Variants in TNRC6A observed in about 807,000 individuals in gnomAD.
The protein encoded by TNRC6A is trinucleotide repeat containing adaptor 6A.
TNRC6A carries 44 observed loss-of-function variants against 221.2 expected under a neutral mutation model. That is an observed-to-expected ratio of 0.20 (90% confidence interval 0.16 to 0.26). TNRC6A has a LOEUF of 0.26. Ranked by LOEUF, TNRC6A falls within the 10% of genes least tolerant of loss-of-function variation. The probability of loss-of-function intolerance (pLI) is 1.00; values close to 1 mark genes in which losing one functional copy is unlikely to be tolerated. For missense variants in TNRC6A, 2,199 were observed against 2,404.4 expected (o/e 0.91, Z 1.79); for synonymous variants, 847 against 838.5 (o/e 1.01, Z -0.18).
At position 24,804,693 on chromosome 16, in the gene TNRC6A, C is replaced by T; in HGVS notation, c.3838-12C>T. The T allele has an allele frequency of 6.4e-7, 1 of 1,565,690 alleles. No homozygotes were observed. The highest frequency in any genetic ancestry group is 8.6e-7 in the Non-Finnish European group (1 of 1,163,628). On this transcript the variant is annotated splice_polypyrimidine_tract_variant and intron_variant, in intron 12 of 24. Transcript: ENST00000395799. Reference sequence around the variant, plus strand: ...TGGCTGGTGTTGCACATCTTTCTGTCTGTCCAATCAGGATGGCATTGTAGC... The same window carrying T: ...TGGCTGGTGTTGCACATCTTTCTGTTTGTCCAATCAGGATGGCATTGTAGC...
At chr16:24,806,402 A>C (rs1249901519) in intron 16 of TNRC6A, 119 bp downstream of exon 16, 1 of 1,401,890 alleles carries the variant, frequency 7.1e-7, no homozygotes, top group Non-Finnish European at 9.8e-7. Context: ...GATGTAATGC[A>C]GTATGTTTTT....
rs1189801925 is a variant in TNRC6A at position 24,792,250 on chromosome 16, A to G, written c.3175+433A>G. On this transcript the variant is annotated intron_variant, in intron 6 of 24. Transcript: ENST00000395799. ...TTTTTTTAAGTAGGTGAGAAATCCA[A>G]CTCTACTTAGATACAGTATATATGT... Among the ~76,000 whole-genome samples the G allele has an allele frequency of 2.6e-5, 4 of 152,282 alleles. No individual in the cohort carries two copies. The South Asian group carries it at 8.3e-4, about 32-fold the overall frequency.
At position 24,791,736 on chromosome 16, in the gene TNRC6A, C is replaced by T. The variant is rs371397221; in HGVS notation, c.3094C>T (p.Arg1032Cys). Residue 1032 changes from arginine to cysteine, a missense_variant, in exon 6 of 25, where the codon CGT becomes TGT. Physicochemically the swap from Arg to Cys is radical, Grantham distance 180. Transcript: ENST00000395799. ...CAAAAACGTCCCAAATGGCAACAGC[C>T]GTTCAGACCAGCAAGCACAGGTACA... is the stretch of plus-strand genomic sequence containing the variant. Reference protein sequence around the residue: ...WNKNVPNGNSRSDQQAQVHQL... With the variant: ...WNKNVPNGNSCSDQQAQVHQL... 16 of 1,612,484 alleles carry T rather than the reference C, an allele frequency of 9.9e-6. No homozygotes were observed. Among genetic ancestry groups the T allele is most frequent in the African/African-American group, 4.0e-5 (3 of 74,794 alleles).
At chr16:24,630,052 C>A (rs1901253472) in intron 1 of TNRC6A, among the ~76,000 whole-genome samples, 1 of 151,904 alleles carries the variant, frequency 6.6e-6, no homozygotes, top group South Asian at 2.1e-4. Context: ...ATAACTTATT[C>A]CTCCCTAATT....
chr16:24,614,628 C>T (rs899195757), intron 1 of TNRC6A, among the ~76,000 whole-genome samples: 4 of 152,128 alleles, frequency 2.6e-5, no homozygotes, highest in Non-Finnish European at 4.4e-5. Context: ...GACTTGGAGT[C>T]TTTTGAGATT....
chr16:24,610,883 T>A (rs781061536), intron 1 of TNRC6A, among the ~76,000 whole-genome samples: 4 of 152,108 alleles, frequency 2.6e-5, no homozygotes, highest in Non-Finnish European at 4.4e-5. Context: ...CAATCTCGGC[T>A]CGCTGCAACC....
rs760061846 is a variant in TNRC6A at position 24,823,006 on chromosome 16, C to T, written c.5506C>T (p.Leu1836=). Reference sequence around the variant, plus strand: ...AGAGGTAGTGAAGGCACAAAAGTCTCTGCACATGTAAGTTGGCTGTTGGGC... The same window carrying T: ...AGAGGTAGTGAAGGCACAAAAGTCTTTGCACATGTAAGTTGGCTGTTGGGC... ...KEEVVKAQKS[L]HMCVLGNTTI... is the part of the protein sequence containing the mutation. The change falls in exon 24 of 25, where the codon CTG becomes TTG. Residue 1836 remains leucine (L), a synonymous_variant. Coordinates refer to ENST00000395799, the MANE Select transcript of TNRC6A (RefSeq NM_014494.4). The surrounding 1 kb of genome is among the most constrained non-coding windows in gnomAD (Gnocchi z 4.3). The T allele has an allele frequency of 6.2e-7, 1 of 1,614,252 alleles. No individual in the cohort carries two copies. Among genetic ancestry groups the T allele is most frequent in the Non-Finnish European group, 8.5e-7 (1 of 1,180,044 alleles).
At chr16:24,686,957 C>T (rs1041109361) in intron 2 of TNRC6A, among the ~76,000 whole-genome samples, 1 of 152,192 alleles carries the variant, frequency 6.6e-6, no homozygotes, top group Non-Finnish European at 1.5e-5. Context: ...GATTTCAGCT[C>T]TACCACTTAC....
intron 4 of TNRC6A, among the ~76,000 whole-genome samples, chr16:24,768,333 T>C (rs2151612066): frequency 6.8e-6 from 1 of 147,896 alleles, no homozygotes; most frequent in Non-Finnish European, 1.5e-5. Context: ...CTCGGGAGGC[T>C]GAGGCAGGAG....
At chr16:24,811,443 G>C (rs908719277) in intron 18 of TNRC6A, among the ~76,000 whole-genome samples, 2 of 152,108 alleles carry the variant, frequency 1.3e-5, no homozygotes, top group Non-Finnish European at 2.9e-5. Context: ...TTTTAGCCTT[G>C]GTTGGAGGCA....
chr16:24,772,459 A>C (rs1292792868), intron 4 of TNRC6A, among the ~76,000 whole-genome samples: 1 of 151,626 alleles, frequency 6.6e-6, no homozygotes. Flanking sequence ...GCGCCATTGC[A>C]CTCCAGCCTG....
chr16:24,636,328 T>A (rs1251820118), intron 1 of TNRC6A, among the ~76,000 whole-genome samples: 1 of 152,096 alleles, frequency 6.6e-6, no homozygotes, highest in African/African-American at 2.4e-5. Context: ...TCTATTATTG[T>A]AATGTTAGAT....
chr16:24,724,907 A>G (rs1315759022), upstream of TNRC6A, among the ~76,000 whole-genome samples: 2 of 152,182 alleles, frequency 1.3e-5, no homozygotes, highest in African/African-American at 4.8e-5. Flanking sequence ...AAGCCTTGGG[A>G]GGAAAACAAA....
intron 5 of TNRC6A, among the ~76,000 whole-genome samples, chr16:24,788,411 A>C (rs1233368375): frequency 6.6e-6 from 1 of 152,208 alleles, no homozygotes; most frequent in African/African-American, 2.4e-5. Flanking sequence ...GTAATGATAA[A>C]AGCTTTCCAA....
intron 2 of TNRC6A, among the ~76,000 whole-genome samples, chr16:24,667,730 C>A (rs1262552042): frequency 6.6e-6 from 1 of 152,170 alleles, no homozygotes; most frequent in African/African-American, 2.4e-5. Flanking sequence ...GTTGTCATAT[C>A]GTTCCACTGT....
chr16:24,763,960 A>T (rs1382934261), intron 4 of TNRC6A, among the ~76,000 whole-genome samples: 1 of 152,198 alleles, frequency 6.6e-6, no homozygotes, highest in Non-Finnish European at 1.5e-5. Flanking sequence ...ATCACCTCAC[A>T]GTTAACCCTG....
chr16:24,723,972 G>C lies in TNRC6A; in HGVS notation n.403-26754G>C, dbSNP rs564280667. Among the ~76,000 whole-genome samples, 13 of 152,310 alleles carry C rather than the reference G, an allele frequency of 8.5e-5. No individual in the cohort carries two copies. The South Asian group carries it at 2.5e-3, about 29-fold the overall frequency. On this transcript the variant is annotated intron_variant and non_coding_transcript_variant, in intron 2 of 2. Transcript: ENST00000566108. ...CCTAGCTACCCCACTGCATCTTCTA[G>C]TGTAGACCTCTTCCAAACATTTACA...
At chr16:24,819,015 G>T (rs1285452996) in intron 21 of TNRC6A, among the ~76,000 whole-genome samples, 1 of 151,076 alleles carries the variant, frequency 6.6e-6, no homozygotes, top group Non-Finnish European at 1.5e-5. Context: ...AAAAAAAAAT[G>T]CCAATCCTCA....
chr16:24,780,988 T>G (rs1567463378), intron 5 of TNRC6A, among the ~76,000 whole-genome samples: 1 of 144,924 alleles, frequency 6.9e-6, no homozygotes, highest in Non-Finnish European at 1.5e-5. Context: ...CCTTGGACGA[T>G]AAACAAACTC....
Sources: allele counts gnomAD v4.1 joint callset (sites outside exome capture counted in the v4.1 genomes callset), GRCh38; gene constraint gnomAD v4.1.1; non-coding constraint Gnocchi (gnomAD v3.1); transcripts MANE v1.5; gene names NCBI Gene and HGNC (gene_info 2026-07-23, HGNC 2026-07-21).